The following NRG1 variants were observed in gnomAD, a reference collection of about 807,000 sequenced individuals.
NRG1 encodes pro-neuregulin-1, membrane-bound isoform.
A neutral mutation model predicts 63.8 loss-of-function variants in NRG1; 18 were observed. The observed-to-expected ratio is 0.28, with a 90% CI of 0.19 to 0.42. NRG1 has a LOEUF of 0.42. Among genes scored for constraint, NRG1 ranks in the 10% least tolerant of loss-of-function variants. The pLI is 1.00. For missense variants in NRG1, 762 were observed against 814.7 expected (o/e 0.94, Z 0.79); for synonymous variants, 302 against 301.3 (o/e 1.00, Z -0.02).
intron 1 of NRG1, among the ~76,000 whole-genome samples, chr8:31,768,765 T>G (rs1334710379): frequency 2.6e-5 from 4 of 152,212 alleles, no homozygotes; most frequent in Non-Finnish European, 5.9e-5. Flanking sequence ...GGTCGCAAAC[T>G]TGGGTTCATC....
intron 1 of NRG1, among the ~76,000 whole-genome samples, chr8:32,473,671 A>T (rs1033586157): frequency 3.3e-5 from 5 of 151,966 alleles, no homozygotes; most frequent in African/African-American, 1.2e-4. Context: ...TCCTTATACT[A>T]GTTTTATTTT....
chr8:31,859,024 CA>C (rs1828222415), intron 1 of NRG1, among the ~76,000 whole-genome samples: 2 of 152,132 alleles, frequency 1.3e-5, no homozygotes, highest in Non-Finnish European at 2.9e-5. Context: ...CAGAAATAAA[CA>C]AACTTATTTC....
intron 1 of NRG1, among the ~76,000 whole-genome samples, chr8:31,841,394 T>C (rs1826189558): frequency 1.3e-5 from 2 of 152,090 alleles, no homozygotes; most frequent in African/African-American, 4.8e-5. Flanking sequence ...CACAACATTC[T>C]AGAGAATTTA....
chr8:32,442,327 T>C (rs1933040912), intron 1 of NRG1: 1 of 152,260 alleles, frequency 6.6e-6, no homozygotes, highest in Non-Finnish European at 1.5e-5. Context: ...ACCTTCATTA[T>C]GAGCTAAAGG....
At chr8:31,744,038 G>A (rs1466680194) in intron 1 of NRG1, among the ~76,000 whole-genome samples, 2 of 151,918 alleles carry the variant, frequency 1.3e-5, no homozygotes, top group Non-Finnish European at 2.9e-5. Flanking sequence ...ATTTTTTTCT[G>A]AGATGCCTTT....
At chr8:31,773,807 A>C (rs41368850) in intron 1 of NRG1, among the ~76,000 whole-genome samples, 2,260 of 152,184 alleles carry the variant, frequency 0.015, 59 homozygotes, top group African/African-American at 0.05. Flanking sequence ...CAGCTGATAA[A>C]AGTTACCTTC....
In NRG1 at chr8:32,503,288, G is replaced by GAAAA. The variant is rs60857610; in HGVS notation, c.38-92515_38-92512dup. Among the ~76,000 whole-genome samples the GAAAA allele has an allele frequency of 1.4e-3, 78 of 54,846 alleles. 4 individuals are homozygous for GAAAA. The highest frequency in any genetic ancestry group is 2.2e-3 in the Non-Finnish European group (64 of 29,580). The allele number at this position is 54,846 out of a possible 152,430, so 36.0% of individuals were successfully genotyped here. On this transcript the variant is annotated intron_variant, in intron 1 of 10. Transcript: ENST00000519301. ...GGCTACAGAGCGAGACTCTGTCTCAGAAAAAAAAAAAAAAAAAAAAAAAAA... is the reference window on the plus strand; with the variant it reads ...GGCTACAGAGCGAGACTCTGTCTCAGAAAAAAAAAAAAAAAAAAAAAAAAAAAAA...
In NRG1 at chr8:31,942,625, T is replaced by A. The variant is rs142406661; in HGVS notation, c.37+303194T>A. Among the ~76,000 whole-genome samples, 942 of 152,210 alleles carry A rather than the reference T, an allele frequency of 6.2e-3. 12 individuals carry two copies. Among genetic ancestry groups the A allele is most frequent in the African/African-American group, 0.022 (903 of 41,534 alleles). On this transcript the variant is annotated intron_variant, in intron 1 of 10. Transcript: ENST00000519301. ...CAATCCACAGAGTAGGAGAAAATCT[T>A]CACAATCTATACATCTGACAAAGGA...
intron 1 of NRG1, among the ~76,000 whole-genome samples, chr8:32,482,987 CG>C (rs1292173524): frequency 6.6e-6 from 1 of 152,198 alleles, no homozygotes; most frequent in Non-Finnish European, 1.5e-5. Flanking sequence ...GGGGACAGGG[CG>C]TTAGACAGCA....
At chr8:32,554,930 T>TCTCTC (rs1554580904) in intron 1 of NRG1, among the ~76,000 whole-genome samples, 4 of 51,294 alleles carry the variant, frequency 7.8e-5, no homozygotes, top group Admixed American at 5.5e-4. Context: ...TCTCTCTCTC[T>TCTCTC]TTTTTTTTTT....
At chr8:32,481,993 T>C (rs2129493212) in intron 1 of NRG1, among the ~76,000 whole-genome samples, 1 of 152,320 alleles carries the variant, frequency 6.6e-6, no homozygotes, top group East Asian at 1.9e-4. Flanking sequence ...GTACCCTGAA[T>C]ACTAAGATGA....
intron 1 of NRG1, among the ~76,000 whole-genome samples, chr8:32,527,821 C>T (rs1014998115): frequency 6.6e-6 from 1 of 152,150 alleles, no homozygotes; most frequent in African/African-American, 2.4e-5. Flanking sequence ...GAAATCCAGG[C>T]ATTTTCTTTG....
At chr8:32,703,661 C>T (rs748137224) in intron 5 of NRG1, among the ~76,000 whole-genome samples, 1 of 152,160 alleles carries the variant, frequency 6.6e-6, no homozygotes, top group Non-Finnish European at 1.5e-5. Context: ...CATGACATGG[C>T]TTCTTTTAGA....
Position 32,093,578 on chromosome 8 carries a change from G to C in NRG1, c.37+454147G>C, listed in dbSNP as rs557175820. ...CTATATAGGAACCGACAGACTGGCAGGGTCCTCTAATCTGGCTGTGATCTG... is the reference window on the plus strand; with the variant it reads ...CTATATAGGAACCGACAGACTGGCACGGTCCTCTAATCTGGCTGTGATCTG... On this transcript the variant is annotated intron_variant, in intron 1 of 10. Coordinates refer to the NRG1 transcript ENST00000519301. Among the ~76,000 whole-genome samples, 44 of 152,304 alleles carry C rather than the reference G, an allele frequency of 2.9e-4. 1 individual carries two copies. The highest frequency in any genetic ancestry group is 9.9e-4 in the African/African-American group (41 of 41,572).
chr8:31,640,360 G>C lies in NRG1; in HGVS notation c.37+929G>C. The C allele has an allele frequency of 1.6e-6, 2 of 1,243,804 alleles. No individual in the cohort carries two copies. Among genetic ancestry groups the C allele is most frequent in the Admixed American group, 4.1e-5 (1 of 24,226 alleles). The allele number at this position is 1,243,804 out of a possible 1,614,324, so 77.0% of individuals were successfully genotyped here. A position where few individuals can be genotyped will look rare whatever the true frequency, so the allele number is the denominator to read the frequency against. On this transcript the variant is annotated intron_variant, in intron 1 of 10. Coordinates refer to the NRG1 transcript ENST00000519301. The surrounding 1 kb of genome is among the most constrained non-coding windows in gnomAD (Gnocchi z 6.3). ...GCCAGCCGCGGGCCCACGGGCGCTG[G>C]GGCCGCCCGCCGAGGAGCCGCTGCT...
At chr8:32,625,796 T>TTTTTTTC (rs1849142768) in intron 5 of NRG1, among the ~76,000 whole-genome samples, 6 of 140,200 alleles carry the variant, frequency 4.3e-5, no homozygotes, top group African/African-American at 1.6e-4. Flanking sequence ...TTCTTTTTTC[T>TTTTTTTC]TTTTTTTTTT....
intron 1 of NRG1, among the ~76,000 whole-genome samples, chr8:32,262,325 A>T (rs1850470640): frequency 6.6e-6 from 1 of 152,164 alleles, no homozygotes; most frequent in Non-Finnish European, 1.5e-5. Context: ...TAGTTCTTTG[A>T]TGTATAGTGG....
At chr8:32,656,272 G>A (rs879822892) in intron 5 of NRG1, among the ~76,000 whole-genome samples, 53 of 151,964 alleles carry the variant, frequency 3.5e-4, no homozygotes, top group Middle Eastern at 3.4e-3. Flanking sequence ...GTTTGGGAGG[G>A]GTGGACAAAA....
intron 1 of NRG1, among the ~76,000 whole-genome samples, chr8:32,464,534 CTGCAAAA>C (rs1319790805): frequency 6.6e-6 from 1 of 152,110 alleles, no homozygotes; most frequent in East Asian, 1.9e-4. Flanking sequence ...GTAGTTCATA[CTGCAAAA>C]AGAATGTGAG....
Sources: gnomAD v4.1 joint callset for allele counts (sites outside exome capture counted in the v4.1 genomes callset) on GRCh38, gnomAD v4.1.1 for gene constraint, Gnocchi (gnomAD v3.1) non-coding constraint, MANE v1.5 for transcripts, NCBI Gene and HGNC (gene_info 2026-07-23, HGNC 2026-07-21) for gene names.